Variants in WBP1L observed in about 807,000 individuals in gnomAD.
The protein encoded by WBP1L is WW domain binding protein 1 like.
Under a neutral mutation model 33.7 loss-of-function variants are expected in WBP1L, and 17 were observed. That is an observed-to-expected ratio of 0.50 (90% CI 0.34 to 0.76). The LOEUF (loss-of-function observed/expected upper bound fraction) is 0.76, where lower values mean the gene tolerates loss of function less well. Ranked by LOEUF, WBP1L falls within the 30% of genes least tolerant of loss-of-function variation. The probability of loss-of-function intolerance (pLI) is 0.01; values close to 1 mark genes in which losing one functional copy is unlikely to be tolerated. For missense variants in WBP1L, 389 were observed against 469.4 expected, an observed-to-expected ratio of 0.83 and a Z score of 1.58; for synonymous variants, 173 against 190.8, an observed-to-expected ratio of 0.91 and a Z score of 0.77.
intron 1 of WBP1L, among the ~76,000 whole-genome samples, chr10:102,758,083 C>T (rs182673530): frequency 1.1e-3 from 163 of 151,832 alleles, no homozygotes; most frequent in South Asian, 2.3e-3. Context: ...CGGGGTTTCC[C>T]CATGTTGGCC....
chr10:102,764,086 T>C (rs1843077313), intron 1 of WBP1L, among the ~76,000 whole-genome samples: 1 of 151,532 alleles, frequency 6.6e-6, no homozygotes. Context: ...AATGCTGAGA[T>C]TACAGGTGTG....
chr10:102,756,155 G>T (rs1384473424), intron 1 of WBP1L, among the ~76,000 whole-genome samples: 2 of 152,060 alleles, frequency 1.3e-5, no homozygotes, highest in Non-Finnish European at 2.9e-5. Context: ...GCTCATGCCT[G>T]TAATCCCAGC....
chr10:102,768,046 T>C (rs1843135035), intron 1 of WBP1L, among the ~76,000 whole-genome samples: 1 of 152,168 alleles, frequency 6.6e-6, no homozygotes, highest in South Asian at 2.1e-4. Flanking sequence ...ACGTATTATT[T>C]CAGTATCCAT....
chr10:102,778,393 T>G, intron 1 of WBP1L, among the ~76,000 whole-genome samples: 1 of 152,118 alleles, frequency 6.6e-6, no homozygotes, highest in East Asian at 1.9e-4. Flanking sequence ...TCTTATATAC[T>G]GAGGTGGCAA....
At chr10:102,796,431 C>T (rs929810764) in intron 1 of WBP1L, among the ~76,000 whole-genome samples, 5 of 152,188 alleles carry the variant, frequency 3.3e-5, no homozygotes, top group Admixed American at 2.6e-4. Flanking sequence ...AGGTGCCAGT[C>T]CTGTTTCTGC....
intron 2 of WBP1L, among the ~76,000 whole-genome samples, 168 bp from the exon 3 acceptor site, chr10:102,809,725 C>T (rs1260160993): frequency 6.6e-6 from 1 of 152,206 alleles, no homozygotes; most frequent in African/African-American, 2.4e-5. Flanking sequence ...CTGGCACAAG[C>T]ATTTATGGAA....
chr10:102,748,117 ATGG>A lies in WBP1L; in HGVS notation c.90+3981_90+3983del, dbSNP rs1842885791. 2.6e-5 allele frequency among the ~76,000 whole-genome samples: 4 copies of A among 152,130 alleles called. No homozygotes were observed. The South Asian group carries it at 8.3e-4, about 32-fold the overall frequency. On this transcript the variant is annotated intron_variant, in intron 1 of 3. Transcript: ENST00000448841. ...TAAAAATACAAAAAATTAGCTGGGC[ATGG>A]TGGTGGGCACCTGTAGTCCCAGCTA... is the stretch of plus-strand genomic sequence containing the variant.
chr10:102,807,775 TGTGA>T (rs1843757756), intron 2 of WBP1L, among the ~76,000 whole-genome samples: 1 of 152,080 alleles, frequency 6.6e-6, no homozygotes, highest in African/African-American at 2.4e-5. Context: ...AATAATATTA[TGTGA>T]GTAATTTTTT....
At chr10:102,752,559 TCTTG>T (rs753088025) in intron 1 of WBP1L, among the ~76,000 whole-genome samples, 12 of 152,326 alleles carry the variant, frequency 7.9e-5, no homozygotes, top group Middle Eastern at 3.4e-3. Flanking sequence ...CTTTCTTTCC[TCTTG>T]CTTTGATCTG....
Position 102,743,948 on chromosome 10 carries a change from G to A in WBP1L, c.-106G>A, listed in dbSNP as rs934723022. ...GCAGAGCCGGAAGCGGGAGGGGAGC[G>A]TCAAACAGGAAAAGAAGGGAAGAAG... On this transcript the variant is annotated 5_prime_UTR_variant, in exon 1 of 4. Transcript: ENST00000448841. The A allele has an allele frequency of 5.5e-6, 5 of 904,818 alleles. No individual in the cohort carries two copies. Among genetic ancestry groups the A allele is most frequent in the African/African-American group, 5.0e-5 (3 of 59,538 alleles). The allele number at this position is 904,818 out of a possible 1,614,324, so 56.0% of individuals were successfully genotyped here.
chr10:102,750,990 C>T (rs552158348), intron 1 of WBP1L, among the ~76,000 whole-genome samples: 1 of 152,162 alleles, frequency 6.6e-6, no homozygotes, highest in African/African-American at 2.4e-5. Flanking sequence ...GCTTATTTCA[C>T]TTACCATAAG....
Position 102,744,002 on chromosome 10 carries a change from G to C in WBP1L, c.-52G>C. 3.8e-6 allele frequency: 5 copies of C among 1,316,512 alleles called. No individual in the cohort carries two copies. The highest frequency in any genetic ancestry group is 5.3e-6 in the Non-Finnish European group (5 of 937,664). 81.6% of individuals were successfully genotyped at this position (1,316,512 alleles called of 1,614,324 possible). ...GAAGAGGGTAGAGGAGGAGAGGGAGGAGGAGGAGGGAGGTGGCGGCGCCGT... is the reference window on the plus strand; with the variant it reads ...GAAGAGGGTAGAGGAGGAGAGGGAGCAGGAGGAGGGAGGTGGCGGCGCCGT... On this transcript the variant is annotated 5_prime_UTR_variant, in exon 1 of 4. Coordinates refer to ENST00000448841, the MANE Select transcript of WBP1L (RefSeq NM_001083913.2).
chr10:102,769,324 C>T (rs1843155832), intron 1 of WBP1L, among the ~76,000 whole-genome samples: 1 of 151,974 alleles, frequency 6.6e-6, no homozygotes, highest in African/African-American at 2.4e-5. Context: ...CATTCTGTCC[C>T]TCAACAGCAT....
intron 1 of WBP1L, among the ~76,000 whole-genome samples, chr10:102,783,578 A>G (rs1841674397): frequency 6.6e-6 from 1 of 152,216 alleles, no homozygotes. Context: ...TGTACAAAAT[A>G]TTGTGCTGCA....
At chr10:102,784,668 G>A (rs964138078) in intron 1 of WBP1L, among the ~76,000 whole-genome samples, 2 of 151,770 alleles carry the variant, frequency 1.3e-5, no homozygotes, top group African/African-American at 4.8e-5. Flanking sequence ...CTCGTGATCT[G>A]CCCACCTTGG....
chr10:102,780,075 A>T (rs1843316845), intron 1 of WBP1L, among the ~76,000 whole-genome samples: 1 of 152,236 alleles, frequency 6.6e-6, no homozygotes. Flanking sequence ...GGGTACCAAG[A>T]AGGAGGAAGA....
intron 1 of WBP1L, among the ~76,000 whole-genome samples, chr10:102,756,501 A>G (rs1170848141): frequency 6.6e-6 from 1 of 152,022 alleles, no homozygotes; most frequent in Non-Finnish European, 1.5e-5. Flanking sequence ...ACTAATTTCC[A>G]TATTGTAGAT....
chr10:102,762,370 A>G (rs530835645), intron 1 of WBP1L, among the ~76,000 whole-genome samples: 1 of 152,328 alleles, frequency 6.6e-6, no homozygotes, highest in East Asian at 1.9e-4. Context: ...AAATATTACT[A>G]CAAAATTCAG....
intron 1 of WBP1L, among the ~76,000 whole-genome samples, chr10:102,747,778 T>C (rs1278369527): frequency 6.6e-6 from 1 of 152,178 alleles, no homozygotes; most frequent in Non-Finnish European, 1.5e-5. Context: ...TCTGCCCATC[T>C]CAGCCTCCCA....
Sources: gnomAD v4.1 joint callset for allele counts (sites outside exome capture counted in the v4.1 genomes callset) on GRCh38, gnomAD v4.1.1 for gene constraint, MANE v1.5 for transcripts, NCBI Gene and HGNC (gene_info 2026-07-23, HGNC 2026-07-21) for gene names.